Variants in PCDH15 observed in about 807,000 individuals in gnomAD.
The protein encoded by PCDH15 is protocadherin-15.
In PCDH15, 129 loss-of-function variants were observed where a neutral mutation model predicts 178.5. The observed-to-expected ratio is 0.72, with a 90% confidence interval of 0.63 to 0.84. The LOEUF (loss-of-function observed/expected upper bound fraction) is 0.84, where lower values mean the gene tolerates loss of function less well. Ranked by LOEUF, PCDH15 falls within the 40% of genes least tolerant of loss-of-function variation. The pLI is 0.00. For synonymous variants in PCDH15, 800 were observed against 732.0 expected (o/e 1.09, Z -1.50); for missense variants, 2,230 against 2,099.9 (o/e 1.06, Z -1.21).
At chr10:55,151,156 T>C (rs1270960166) in intron 2 of PCDH15, among the ~76,000 whole-genome samples, 3 of 152,210 alleles carry the variant, frequency 2.0e-5, no homozygotes, top group African/African-American at 7.2e-5. Flanking sequence ...GCCAGATATG[T>C]TCCCCTCTTA....
At chr10:54,354,035 G>A (rs112889696) in intron 5 of PCDH15, among the ~76,000 whole-genome samples, 1 of 152,090 alleles carries the variant, frequency 6.6e-6, no homozygotes, top group African/African-American at 2.4e-5. Context: ...GGCCAGGCTG[G>A]AGTGCAATGG....
Position 55,573,007 on chromosome 10 carries a change from T to C in PCDH15, c.-156+54618A>G, listed in dbSNP as rs185778715. Reference sequence around the variant, plus strand: ...TAAAATTTTAGTAATTATGATGTTATATTTACTCTATTAGACAATGTGACA... The same window carrying C: ...TAAAATTTTAGTAATTATGATGTTACATTTACTCTATTAGACAATGTGACA... On this transcript the variant is annotated intron_variant, in intron 2 of 5. Transcript: ENST00000613346. Among the ~76,000 whole-genome samples, 74 of 152,198 alleles carry C rather than the reference T, an allele frequency of 4.9e-4. No individual in the cohort carries two copies. The East Asian group carries it at 9.7e-3, about 20-fold the overall frequency.
chr10:55,017,981 T>A (rs1339459910), intron 2 of PCDH15, among the ~76,000 whole-genome samples: 1 of 152,044 alleles, frequency 6.6e-6, no homozygotes, highest in East Asian at 1.9e-4. Context: ...ATGGACAAAT[T>A]AACATATTAA....
chr10:54,673,481 C>A (rs946035010), intron 1 of PCDH15, among the ~76,000 whole-genome samples: 2 of 152,080 alleles, frequency 1.3e-5, no homozygotes, highest in South Asian at 2.1e-4. Flanking sequence ...TCTTGTTGCC[C>A]AGGCTGGAGT....
At chr10:54,709,611 C>CATATAT (rs59241461) in intron 1 of PCDH15, among the ~76,000 whole-genome samples, 1 of 116,432 alleles carries the variant, frequency 8.6e-6, no homozygotes, top group East Asian at 2.4e-4. Context: ...TATATATATA[C>CATATAT]ATATATATAT....
At chr10:54,771,095 C>T (rs1053738392) in intron 1 of PCDH15, among the ~76,000 whole-genome samples, 1 of 152,076 alleles carries the variant, frequency 6.6e-6, no homozygotes, top group African/African-American at 2.4e-5. Flanking sequence ...ACTATTGACA[C>T]ACTCATCATG....
At chr10:53,860,504 G>T (rs948778128) in intron 27 of PCDH15, among the ~76,000 whole-genome samples, 1 of 152,100 alleles carries the variant, frequency 6.6e-6, no homozygotes, top group Non-Finnish European at 1.5e-5. Flanking sequence ...ACTGAGGCAG[G>T]CTGATCAATT....
chr10:54,613,748 G>GAAC (rs1555098624), intron 2 of PCDH15, among the ~76,000 whole-genome samples: 1 of 151,530 alleles, frequency 6.6e-6, no homozygotes, highest in Non-Finnish European at 1.5e-5. Context: ...TCATGCACCA[G>GAAC]AACAACAACA....
At chr10:54,721,062 T>A (rs1591275454) in intron 1 of PCDH15, among the ~76,000 whole-genome samples, 3 of 152,108 alleles carry the variant, frequency 2.0e-5, no homozygotes. Context: ...TGGAATAAAA[T>A]TAGAAATTAA....
At chr10:54,743,826 A>AT (rs1156334704) in intron 1 of PCDH15, among the ~76,000 whole-genome samples, 2 of 151,942 alleles carry the variant, frequency 1.3e-5, no homozygotes. Context: ...AAGAAAAAAA[A>AT]AGAAAGTAAA....
chr10:55,584,199 T>A (rs961752807), intron 2 of PCDH15, among the ~76,000 whole-genome samples: 1 of 152,090 alleles, frequency 6.6e-6, no homozygotes, highest in Non-Finnish European at 1.5e-5. Context: ...AAATAAATAC[T>A]TTTTTATTAT....
intron 1 of PCDH15, among the ~76,000 whole-genome samples, chr10:54,749,656 T>A (rs1280529060): frequency 1.3e-5 from 2 of 152,128 alleles, no homozygotes; most frequent in African/African-American, 4.8e-5. Context: ...AAAGAAATAC[T>A]CCAGTTACAT....
intron 3 of PCDH15, among the ~76,000 whole-genome samples, chr10:54,858,010 T>C (rs777789410): frequency 4.6e-5 from 7 of 152,182 alleles, no homozygotes; most frequent in Admixed American, 6.6e-5. Context: ...ACTAGGGTTA[T>C]GTTGCCTGTG....
In PCDH15 at chr10:54,516,584, C is replaced by T. The variant is rs1340805344; in HGVS notation, c.157+11228G>A. ...GTGAAAAGACCAAATCTACGTCTGA[C>T]TGGTGTACCTGAAAGTGACGGGGAG... is the stretch of plus-strand genomic sequence containing the variant. On this transcript the variant is annotated intron_variant, in intron 3 of 37. Transcript: ENST00000644397. Among the ~76,000 whole-genome samples the T allele has an allele frequency of 7.4e-4, 112 of 152,220 alleles. 2 individuals carry two copies. The East Asian group carries it at 0.011, about 14-fold the overall frequency.
chr10:54,228,630 T>G (rs2053720723), intron 9 of PCDH15, among the ~76,000 whole-genome samples: 1 of 152,180 alleles, frequency 6.6e-6, no homozygotes, highest in African/African-American at 2.4e-5. Context: ...TCTCAGAATC[T>G]GAAAGCCTGA....
intron 1 of PCDH15, among the ~76,000 whole-genome samples, chr10:54,740,588 C>T (rs1944659715): frequency 6.6e-6 from 1 of 151,824 alleles, no homozygotes; most frequent in Non-Finnish European, 1.5e-5. Flanking sequence ...GTTAATTGTA[C>T]TACTATTCAC....
intron 2 of PCDH15, among the ~76,000 whole-genome samples, chr10:55,014,911 T>C (rs1010431465): frequency 1.7e-4 from 26 of 152,082 alleles, no homozygotes; most frequent in African/African-American, 5.3e-4. Context: ...CAGATAAAAA[T>C]TTTCTCAATT....
intron 2 of PCDH15, among the ~76,000 whole-genome samples, chr10:55,546,166 G>T (rs932488677): frequency 5.3e-5 from 8 of 151,964 alleles, no homozygotes; most frequent in Admixed American, 1.3e-4. Flanking sequence ...AAACAACACT[G>T]GTTTTGATAT....
In PCDH15 at chr10:55,087,254, T is replaced by A. The variant is rs1042423779; in HGVS notation, c.-80+79322A>T. Among the ~76,000 whole-genome samples, 10 of 152,196 alleles carry A rather than the reference T, an allele frequency of 6.6e-5. No homozygotes were observed. The East Asian group carries it at 1.9e-3, about 29-fold the overall frequency. ...TAATTTGCTCACATATGAAATTATA[T>A]GTTACTTTGACATTCAGAATCCAAA... is the stretch of plus-strand genomic sequence containing the variant. On this transcript the variant is annotated intron_variant, in intron 2 of 5. Coordinates refer to the PCDH15 transcript ENST00000458638.
Sources: gnomAD v4.1 joint callset for allele counts (sites outside exome capture counted in the v4.1 genomes callset) on GRCh38, gnomAD v4.1.1 for gene constraint, MANE v1.5 for transcripts, NCBI Gene and HGNC (gene_info 2026-07-23, HGNC 2026-07-21) for gene names.